Variants in PDE10A observed in about 807,000 individuals in gnomAD.
The protein encoded by PDE10A is phosphodiesterase 10A.
A neutral mutation model predicts 97.7 loss-of-function variants in PDE10A; 39 were observed. The observed-to-expected ratio is 0.40, with a 90% CI of 0.31 to 0.52. The LOEUF is 0.52. Ranked by LOEUF, PDE10A falls within the 20% of genes least tolerant of loss-of-function variation. The probability of loss-of-function intolerance (pLI) is 0.56; values close to 1 mark genes in which losing one functional copy is unlikely to be tolerated. For synonymous variants in PDE10A, 371 were observed against 376.8 expected, an observed-to-expected ratio of 0.98 and a Z score of 0.18; for missense variants, 731 against 1,047.8, an observed-to-expected ratio of 0.70 and a Z score of 4.17.
At chr6:165,591,701 T>A (rs1325897374) in intron 1 of PDE10A, among the ~76,000 whole-genome samples, 1 of 152,234 alleles carries the variant, frequency 6.6e-6, no homozygotes, top group Non-Finnish European at 1.5e-5. Context: ...TTTTTGTTTT[T>A]TTAAGTTAAA....
At chr6:165,620,789 G>A (rs568590180) in intron 1 of PDE10A, among the ~76,000 whole-genome samples, 4 of 136,256 alleles carry the variant, frequency 2.9e-5, no homozygotes, top group Admixed American at 6.9e-5. Context: ...TTGGGAGGTC[G>A]AGGCGGGTGG....
At chr6:165,900,963 C>A (rs1007643563) in intron 1 of PDE10A, among the ~76,000 whole-genome samples, 4 of 152,124 alleles carry the variant, frequency 2.6e-5, no homozygotes, top group Admixed American at 1.3e-4. Flanking sequence ...TCTTAATGAG[C>A]GAAAGGCCCA....
intron 1 of PDE10A, among the ~76,000 whole-genome samples, chr6:165,952,861 A>G (rs1448940945): frequency 1.4e-5 from 2 of 143,454 alleles, no homozygotes; most frequent in African/African-American, 2.9e-5. Context: ...TATAAGAGAA[A>G]AAAAAAAAAG....
At chr6:165,378,684 A>C (rs904199655) in intron 18 of PDE10A, among the ~76,000 whole-genome samples, 4 of 152,186 alleles carry the variant, frequency 2.6e-5, no homozygotes, top group Admixed American at 6.5e-5. Flanking sequence ...TAAACTTTTC[A>C]TTGCTACTTG....
At chr6:165,352,764 A>G (rs1295881625) in intron 18 of PDE10A, among the ~76,000 whole-genome samples, 1 of 152,216 alleles carries the variant, frequency 6.6e-6, no homozygotes, top group Non-Finnish European at 1.5e-5. Flanking sequence ...TATATAACAT[A>G]GAAGAAAAAT....
chr6:165,538,914 C>A (rs2128319934), intron 2 of PDE10A, among the ~76,000 whole-genome samples: 1 of 152,242 alleles, frequency 6.6e-6, no homozygotes, highest in Admixed American at 6.5e-5. Flanking sequence ...AATTTACTGT[C>A]AAATTTACTT....
chr6:165,641,016 G>A (rs1215093121), intron 1 of PDE10A, among the ~76,000 whole-genome samples: 1 of 152,124 alleles, frequency 6.6e-6, no homozygotes, highest in African/African-American at 2.4e-5. Context: ...CTTGGCCGTG[G>A]CCAGCCCTTC....
intron 1 of PDE10A, among the ~76,000 whole-genome samples, chr6:165,880,304 T>A (rs1174336104): frequency 6.6e-6 from 1 of 152,250 alleles, no homozygotes; most frequent in African/African-American, 2.4e-5. Context: ...TAGATTCTTA[T>A]AAGTATTGCC....
intron 1 of PDE10A, among the ~76,000 whole-genome samples, chr6:165,624,414 G>A (rs12212598): frequency 0.11 from 15,990 of 152,276 alleles, 934 homozygotes; most frequent in Non-Finnish European, 0.13. Context: ...ACTGTTAGAC[G>A]TTTAAGACTT....
At chr6:165,945,193 T>C (rs946561252) in intron 1 of PDE10A, among the ~76,000 whole-genome samples, 1 of 152,180 alleles carries the variant, frequency 6.6e-6, no homozygotes, top group Non-Finnish European at 1.5e-5. Flanking sequence ...AGCCTCCACA[T>C]TGAATGGGCC....
intron 18 of PDE10A, 37 bp downstream of exon 18, chr6:165,379,157 C>T: frequency 7.2e-7 from 1 of 1,387,756 alleles, no homozygotes; most frequent in East Asian, 2.4e-5. Flanking sequence ...CCAGATAACA[C>T]TTTCTGGGCT....
intron 1 of PDE10A, among the ~76,000 whole-genome samples, chr6:165,749,449 T>C (rs1194182450): frequency 3.8e-5 from 4 of 104,850 alleles, no homozygotes; most frequent in Non-Finnish European, 6.0e-5. Context: ...ATCACCACCA[T>C]CACATCACCA....
chr6:165,655,113 C>A lies in PDE10A; in HGVS notation c.865+6834G>T, dbSNP rs897494797. The stretch of plus-strand genomic sequence containing the variant: ...GTTCGCGTGTCAAACTTCAGCCAGG[C>A]ACTTACATTGCACCCAGCTATGGTT... On this transcript the variant is annotated intron_variant, in intron 1 of 21. Transcript: ENST00000539869. This position sits in a 1 kb window ranked among gnomAD's most constrained non-coding sequence, Gnocchi z 4.5. Among the ~76,000 whole-genome samples, 1 of 152,148 alleles carries A rather than the reference C, an allele frequency of 6.6e-6. No homozygotes were observed. The highest frequency in any genetic ancestry group is 2.4e-5 in the African/African-American group (1 of 41,424).
chr6:165,697,792 T>A (rs1262887202), intron 1 of PDE10A, among the ~76,000 whole-genome samples: 1 of 152,202 alleles, frequency 6.6e-6, no homozygotes. Context: ...ATGGTGATGG[T>A]TGCACAAAAA....
intron 1 of PDE10A, among the ~76,000 whole-genome samples, chr6:165,578,547 T>C (rs990863561): frequency 2.6e-5 from 4 of 152,198 alleles, no homozygotes; most frequent in Non-Finnish European, 5.9e-5. Flanking sequence ...CTCCACCATC[T>C]GGCCCCAAAC....
intron 1 of PDE10A, among the ~76,000 whole-genome samples, chr6:165,835,538 C>G (rs896528870): frequency 6.6e-6 from 1 of 152,234 alleles, no homozygotes; most frequent in East Asian, 1.9e-4. Flanking sequence ...GGTCTAAGCT[C>G]GTGGACGCCC....
chr6:165,795,573 AAAACAAACAAAC>A (rs574196141), intron 1 of PDE10A, among the ~76,000 whole-genome samples: 2 of 151,582 alleles, frequency 1.3e-5, no homozygotes, highest in African/African-American at 4.9e-5. Flanking sequence ...TAAAAATACA[AAAACAAACAAAC>A]AAACAAACAA....
chr6:165,977,802 A>G (rs996992341), intron 1 of PDE10A, among the ~76,000 whole-genome samples: 1 of 152,244 alleles, frequency 6.6e-6, no homozygotes, highest in African/African-American at 2.4e-5. Context: ...AATGTTGCAT[A>G]GCAGTTTTAT....
chr6:165,443,458 T>C (rs983798211), intron 5 of PDE10A, among the ~76,000 whole-genome samples: 1 of 152,142 alleles, frequency 6.6e-6, no homozygotes, highest in South Asian at 2.1e-4. Context: ...ATGGCCCCTG[T>C]GGCTGCTTTC....
Sources: gnomAD v4.1 joint callset for allele counts (sites outside exome capture counted in the v4.1 genomes callset) on GRCh38, gnomAD v4.1.1 for gene constraint, Gnocchi (gnomAD v3.1) non-coding constraint, MANE v1.5 for transcripts, NCBI Gene and HGNC (gene_info 2026-07-23, HGNC 2026-07-21) for gene names.